ABCA13: variants seen among roughly 807,000 people sequenced by gnomAD.
ABCA13 encodes the protein ATP-binding cassette sub-family A member 13.
Under a neutral mutation model 478.7 loss-of-function variants are expected in ABCA13, and 476 were observed. The ratio of observed to expected loss-of-function variants is 0.99; its 90% CI spans 0.92 to 1.07. The LOEUF (loss-of-function observed/expected upper bound fraction) is 1.07, where lower values mean the gene tolerates loss of function less well. Among genes scored for constraint, ABCA13 ranks in the 50% least tolerant of loss-of-function variants. The pLI, the probability that ABCA13 is intolerant of heterozygous loss-of-function variation, is 0.00. For missense variants in ABCA13, 6,060 were observed against 5,910.6 expected, an observed-to-expected ratio of 1.03 and a Z score of -0.83; for synonymous variants, 2,252 against 2,158.9, an observed-to-expected ratio of 1.04 and a Z score of -1.20.
At chr7:48,556,968 T>A (rs545606359) in intron 55 of ABCA13, among the ~76,000 whole-genome samples, 1 of 152,198 alleles carries the variant, frequency 6.6e-6, no homozygotes, top group Admixed American at 6.5e-5. Flanking sequence ...GTATGTTCAT[T>A]GATTTGAGTT....
At chr7:48,372,127 C>A (rs576577667) in intron 32 of ABCA13, 41 bp from the exon 33 acceptor site, 5 of 1,543,266 alleles carry the variant, frequency 3.2e-6, no homozygotes, top group Non-Finnish European at 3.5e-6. Flanking sequence ...TCCTCAAGTA[C>A]GCATGCTGTG....
chr7:48,319,275 G>A (rs768947102), intron 27 of ABCA13, among the ~76,000 whole-genome samples: 2 of 152,220 alleles, frequency 1.3e-5, no homozygotes, highest in Non-Finnish European at 2.9e-5. Context: ...GATATTGCAG[G>A]CAGTATTGAG....
rs114527866 is a variant in ABCA13, at chr7:48,623,227, C to A, written c.14837+7850C>A. ...TTTTCCATTCCTATTGAGACCTCAT[C>A]ATCCTACTCATTTAACAAGTAATTT... On this transcript the variant is annotated intron_variant, in intron 59 of 61. Transcript: ENST00000435803. 1.1e-3 allele frequency among the ~76,000 whole-genome samples: 170 copies of A among 152,356 alleles called. 1 individual carries two copies. Among genetic ancestry groups the A allele is most frequent in the African/African-American group, 4.0e-3 (165 of 41,586 alleles).
At position 48,590,885 on chromosome 7, in the gene ABCA13, A is replaced by C. The variant is rs1019920312; in HGVS notation, c.14640+3597A>C. ...TATATAGGATGTAACCCCTTATTGG[A>C]TATATGGTTGCAAATATTTTATCCC... On this transcript the variant is annotated intron_variant, in intron 57 of 61. Transcript: ENST00000435803. 2.0e-5 allele frequency among the ~76,000 whole-genome samples: 3 copies of C among 151,896 alleles called. No individual in the cohort carries two copies. The East Asian group carries it at 5.8e-4, about 29-fold the overall frequency.
chr7:48,626,792 G>A, intron 59 of ABCA13: 1 of 985,506 alleles, frequency 1.0e-6, no homozygotes, highest in Non-Finnish European at 1.2e-6. Context: ...GAAGTTGGGT[G>A]GGCTGTGAGG....
At chr7:48,370,816 C>T (rs1228832837) in intron 32 of ABCA13, among the ~76,000 whole-genome samples, 1 of 152,040 alleles carries the variant, frequency 6.6e-6, no homozygotes, top group Non-Finnish European at 1.5e-5. Context: ...GGTCACACGT[C>T]ATGGAACTGG....
chr7:48,621,802 A>G (rs1422635900), intron 59 of ABCA13, among the ~76,000 whole-genome samples: 1 of 152,242 alleles, frequency 6.6e-6, no homozygotes, highest in Non-Finnish European at 1.5e-5. Flanking sequence ...AAATAAGCCA[A>G]CAATGGATTT....
At chr7:48,257,275 G>T (rs948216402) in intron 15 of ABCA13, among the ~76,000 whole-genome samples, 3 of 152,014 alleles carry the variant, frequency 2.0e-5, no homozygotes, top group Admixed American at 2.0e-4. Flanking sequence ...CTCTCTTCCT[G>T]TTTGGCTGCC....
rs753719778 is a variant in ABCA13 at position 48,276,477 on chromosome 7, T to C, written c.6811T>C (p.Phe2271Leu). Residue 2271 changes from phenylalanine (F) to leucine (L), a missense_variant, in exon 17 of 62, where the codon TTC (phenylalanine) becomes CTC (leucine). Physicochemically the swap from Phe to Leu is conservative, Grantham distance 22. Around this residue, in one of 3 missense-constraint regions of ABCA13, gnomAD observed 4,423 missense variants for 4,309.1 expected, o/e 1.03. Transcript: ENST00000435803. ...TTTCACAGAACAGTTTTTGAAAACA[T>C]TCTTCTCCCTTTTTCTAAAGGAAGA... ...VDFTEQFLKT[F>L]FSLFLKEDSE... The C allele has an allele frequency of 6.2e-7, 1 of 1,606,874 alleles. No homozygotes were observed. The highest frequency in any genetic ancestry group is 1.7e-5 in the Admixed American group (1 of 58,664).
At chr7:48,506,267 C>T in intron 48 of ABCA13, 69 bp from the exon 49 acceptor site, 11 of 1,512,812 alleles carry the variant, frequency 7.3e-6, no homozygotes, top group Non-Finnish European at 1.0e-5. Context: ...TCTGCGTAGC[C>T]TGTAGATGAG....
At position 48,626,638 on chromosome 7, in the gene ABCA13, C is replaced by A. The variant is rs981768791; in HGVS notation, c.14837+11261C>A. On this transcript the variant is annotated intron_variant, in intron 59 of 61. Coordinates refer to ENST00000435803, the MANE Select transcript of ABCA13 (RefSeq NM_152701.5). Reference sequence around the variant, plus strand: ...AGACAAACTGAAGTCAACTGGTGACCAAGCACATGGAGAAGGCAGCATGGG... The same window carrying A: ...AGACAAACTGAAGTCAACTGGTGACAAAGCACATGGAGAAGGCAGCATGGG... 5.1e-6 allele frequency: 5 copies of A among 985,252 alleles called. No homozygotes were observed. In the African/African-American group the frequency reaches 8.7e-5, roughly 17 times the overall value. The allele number at this position is 985,252 out of a possible 1,614,324, so 61.0% of individuals were successfully genotyped here.
At chr7:48,572,731 A>T (rs1787792820) in intron 55 of ABCA13, among the ~76,000 whole-genome samples, 2 of 152,126 alleles carry the variant, frequency 1.3e-5, no homozygotes, top group African/African-American at 4.8e-5. Context: ...TGCCAGGTTT[A>T]ATTGTCAAGG....
intron 3 of ABCA13, among the ~76,000 whole-genome samples, chr7:48,201,386 A>T (rs778037618): frequency 3.9e-5 from 6 of 152,160 alleles, no homozygotes; most frequent in African/African-American, 4.8e-5. Context: ...TCGGGCATAA[A>T]GACAGGAAGG....
chr7:48,480,502 C>A lies in ABCA13; in HGVS notation c.12976-534C>A, dbSNP rs77886356. Among the ~76,000 whole-genome samples, 17 of 152,210 alleles carry A rather than the reference C, an allele frequency of 1.1e-4. 1 individual carries two copies. Among genetic ancestry groups the A allele is most frequent in the Admixed American group, 1.1e-3 (17 of 15,280 alleles). On this transcript the variant is annotated intron_variant, in intron 45 of 61. Transcript: ENST00000435803. ...TGTGGCAGGGCAGAGCACATCATTG[C>A]GCAGCCTCCAGTGGCCTGGGTTTTG...
rs747708470 is a variant in ABCA13 at position 48,239,316 on chromosome 7, T to G, written c.973T>G (p.Trp325Gly). 2 of 1,613,854 alleles carry G rather than the reference T, an allele frequency of 1.2e-6. No individual in the cohort carries two copies. The highest frequency in any genetic ancestry group is 2.7e-5 in the African/African-American group (2 of 74,916). Residue 325 changes from tryptophan to glycine, a missense_variant, in exon 9 of 62, where the codon TGG becomes GGG. By Grantham distance (184) the Trp-to-Gly change is radical. This residue lies in a region of ABCA13 where 4,423 missense variants were observed against 4,309.1 expected (regional missense o/e 1.03). Coordinates refer to ENST00000435803, the MANE Select transcript of ABCA13 (RefSeq NM_152701.5). ...CACATCAGAGGATGAAGCTGAGAAA[T>G]GGGGCCACGTTGGAGGCTGCCACCC... ...SSTSEDEAEK[W>G]GHVGGCHPKW...
chr7:48,317,433 C>A, intron 27 of ABCA13, 137 bp downstream of exon 27: 1 of 1,034,006 alleles, frequency 9.7e-7, no homozygotes, highest in Non-Finnish European at 1.3e-6. Flanking sequence ...TTCATTTTAG[C>A]CTGAGTGTTT....
rs745782735 is a variant in ABCA13, at chr7:48,528,294, A to G, written c.14303A>G (p.Asn4768Ser). 3 of 1,578,680 alleles carry G rather than the reference A, an allele frequency of 1.9e-6. No individual in the cohort carries two copies. Among genetic ancestry groups the G allele is most frequent in the Non-Finnish European group, 1.7e-6 (2 of 1,161,014 alleles). ...AGKSTTFKML[N>S]GEVSLTSGHA... ...AAGAGCACGACTTTCAAAATGCTGA[A>G]TGGTGAAGTTTCTCTAACTTCAGGA... The change falls in exon 55 of 62, where the codon AAT becomes AGT. Residue 4768 changes from asparagine (N) to serine (S), a missense_variant. Around this residue, in one of 3 missense-constraint regions of ABCA13, gnomAD observed 1,627 missense variants for 1,571.0 expected, o/e 1.04. Transcript: ENST00000435803.
intron 38 of ABCA13, among the ~76,000 whole-genome samples, chr7:48,403,298 T>C (rs958216768): frequency 4.6e-5 from 7 of 152,224 alleles, no homozygotes; most frequent in African/African-American, 1.7e-4. Flanking sequence ...CTGCCTTGCT[T>C]CTTCTGACCA....
At position 48,520,147 on chromosome 7, in the gene ABCA13, A is replaced by G; in HGVS notation, c.13904A>G (p.Asp4635Gly). The G allele has an allele frequency of 1.2e-6, 2 of 1,613,770 alleles. No homozygotes were observed. The highest frequency in any genetic ancestry group is 1.7e-6 in the Non-Finnish European group (2 of 1,179,822). Reference sequence around the variant, plus strand: ...CTCTGCTATAATCAGATCAAATATGACCTGACCCACAACTTCGGCATTGAT... The same window carrying G: ...CTCTGCTATAATCAGATCAAATATGGCCTGACCCACAACTTCGGCATTGAT... ...VELCYNQIKY[D>G]LTHNFGIDSY... Residue 4635 changes from aspartate to glycine, a missense_variant, in exon 53 of 62, where the codon GAC (aspartate) becomes GGC (glycine). This residue lies in a region of ABCA13 where 1,627 missense variants were observed against 1,571.0 expected (regional missense o/e 1.04). Coordinates refer to ENST00000435803, the MANE Select transcript of ABCA13 (RefSeq NM_152701.5).
Sources: gnomAD v4.1 joint callset for allele counts (sites outside exome capture counted in the v4.1 genomes callset) on GRCh38, gnomAD v4.1.1 for gene constraint, gnomAD v4.1.1 regional missense constraint, MANE v1.5 for transcripts, NCBI Gene and HGNC (gene_info 2026-07-23, HGNC 2026-07-21) for gene names.